The following VOPP1 variants were observed in gnomAD, a reference collection of about 807,000 sequenced individuals.
The protein encoded by VOPP1 is WW domain binding protein VOPP1.
VOPP1 carries 8 observed loss-of-function variants against 23.5 expected under a neutral mutation model. That is an observed-to-expected ratio of 0.34 (90% confidence interval 0.20 to 0.61). VOPP1 has a LOEUF of 0.61. VOPP1 is among the 20% of genes least tolerant of loss of function. The pLI, the probability that VOPP1 is intolerant of heterozygous loss-of-function variation, is 0.78. For missense variants in VOPP1, 174 were observed against 238.1 expected (o/e 0.73, Z 1.77); for synonymous variants, 83 against 97.3 (o/e 0.85, Z 0.86).
chr7:55,476,442 G>C (rs986408903), intron 4 of VOPP1, among the ~76,000 whole-genome samples: 2 of 70,158 alleles, frequency 2.9e-5, no homozygotes, highest in Non-Finnish European at 6.6e-5. Flanking sequence ...GGGGGTGGGC[G>C]GGGGGGCTGG....
chr7:55,475,084 G>A (rs1792129825), intron 4 of VOPP1, among the ~76,000 whole-genome samples: 1 of 152,240 alleles, frequency 6.6e-6, no homozygotes, highest in Non-Finnish European at 1.5e-5. Context: ...GAAGACTGTA[G>A]GAGGGGACGG....
chr7:55,494,168 T>C (rs1364693038), intron 3 of VOPP1, among the ~76,000 whole-genome samples: 1 of 152,196 alleles, frequency 6.6e-6, no homozygotes, highest in Non-Finnish European at 1.5e-5. Flanking sequence ...TAAGGCTTAA[T>C]GTGCTCGGCA....
chr7:55,567,118 T>A (rs1305218106), intron 1 of VOPP1, among the ~76,000 whole-genome samples: 1 of 152,224 alleles, frequency 6.6e-6, no homozygotes, highest in South Asian at 2.1e-4. Context: ...ATCAACTGCC[T>A]CTTCTTTTCC....
At chr7:55,516,258 C>G (rs867697588) in intron 2 of VOPP1, among the ~76,000 whole-genome samples, 31 of 152,294 alleles carry the variant, frequency 2.0e-4, no homozygotes, top group African/African-American at 6.5e-4. Context: ...CTGGAGGGAA[C>G]AGGAATGTGT....
At position 55,556,917 on chromosome 7, in the gene VOPP1, T is replaced by A. The variant is rs79596101; in HGVS notation, c.54+15354A>T. ...CCCTCTGTTAAGAAAATGTTAAATA[T>A]CCCCTCCCCAAAAAGAAACATCACC... On this transcript the variant is annotated intron_variant, in intron 1 of 4. Coordinates refer to ENST00000285279, the MANE Select transcript of VOPP1 (RefSeq NM_030796.5). 2.6e-5 allele frequency among the ~76,000 whole-genome samples: 4 copies of A among 151,956 alleles called. No homozygotes were observed. The East Asian group carries it at 7.7e-4, about 29-fold the overall frequency.
chr7:55,449,322 C>T (rs1791182644), intron 4 of VOPP1, among the ~76,000 whole-genome samples: 1 of 152,136 alleles, frequency 6.6e-6, no homozygotes, highest in African/African-American at 2.4e-5. Context: ...CCCAGGAGGC[C>T]TCCCATCCCA....
At chr7:55,456,479 CT>C (rs908695632) in intron 4 of VOPP1, among the ~76,000 whole-genome samples, 30 of 152,298 alleles carry the variant, frequency 2.0e-4, no homozygotes, top group African/African-American at 6.5e-4. Flanking sequence ...AATCATTCTA[CT>C]ATAAAGACTC....
At position 55,514,076 on chromosome 7, in the gene VOPP1, G is replaced by A. The variant is rs145047567; in HGVS notation, c.113+6996C>T. ...ACCCCAGCGTCTGACTGGGAGCGGC[G>A]CCCTTTCTCACATCATCATGTCAGT... On this transcript the variant is annotated intron_variant, in intron 2 of 4. Transcript: ENST00000285279. Among the ~76,000 whole-genome samples, 89 of 152,228 alleles carry A rather than the reference G, an allele frequency of 5.8e-4. No homozygotes were observed. In the East Asian group the frequency reaches 0.015, roughly 26 times the overall value.
At chr7:55,555,333 A>G (rs1193046360) in intron 1 of VOPP1, among the ~76,000 whole-genome samples, 1 of 152,182 alleles carries the variant, frequency 6.6e-6, no homozygotes, top group Admixed American at 6.5e-5. Context: ...CTGCATGACA[A>G]TCGCTCACTT....
Position 55,472,924 on chromosome 7 carries a change from G to A in VOPP1, c.450C>T (p.Ala150=). 1 of 1,551,806 alleles carries A rather than the reference G, an allele frequency of 6.4e-7. No individual in the cohort carries two copies. Among genetic ancestry groups the A allele is most frequent in the Non-Finnish European group, 8.7e-7 (1 of 1,154,986 alleles). Reference sequence around the variant, plus strand: ...TGCAGTAGGCTGGAGGGGGCGGGCAGGCCACACTCCCCTGGGGTGAGTTGG... The same window carrying A: ...TGCAGTAGGCTGGAGGGGGCGGGCAAGCCACACTCCCCTGGGGTGAGTTGG... ...VPPNSPQGSV[A]CPPPPAYCNT... is the part of the protein sequence containing the mutation. The change falls in exon 5 of 5, where the codon GCC becomes GCT. Residue 150 remains alanine, a synonymous_variant. Transcript: ENST00000285279.
intron 4 of VOPP1, among the ~76,000 whole-genome samples, chr7:55,479,326 C>T (rs550406078): frequency 2.7e-4 from 40 of 145,822 alleles, no homozygotes; most frequent in African/African-American, 1.0e-3. Flanking sequence ...CCACAACAGT[C>T]CCCAGAATGT....
At chr7:55,547,584 T>C (rs1053212482) in intron 1 of VOPP1, among the ~76,000 whole-genome samples, 3 of 152,180 alleles carry the variant, frequency 2.0e-5, no homozygotes, top group African/African-American at 7.2e-5. Context: ...ATGCCCATCA[T>C]GCAACCCTTT....
chr7:55,558,131 T>G (rs1406224770), intron 1 of VOPP1, among the ~76,000 whole-genome samples: 1 of 152,190 alleles, frequency 6.6e-6, no homozygotes, highest in Non-Finnish European at 1.5e-5. Flanking sequence ...CCTAGAGGGC[T>G]GCTGTGCCAC....
At chr7:55,500,131 CA>C (rs1794267401) in intron 2 of VOPP1, among the ~76,000 whole-genome samples, 1 of 152,116 alleles carries the variant, frequency 6.6e-6, no homozygotes, top group South Asian at 2.1e-4. Context: ...GTGTGGAAGG[CA>C]GAATGCAACC....
intron 1 of VOPP1, among the ~76,000 whole-genome samples, chr7:55,554,480 G>A (rs146032220): frequency 4.6e-5 from 7 of 152,262 alleles, no homozygotes; most frequent in Admixed American, 6.5e-5. Flanking sequence ...CCCAAGGACT[G>A]TACACGAGGA....
chr7:55,437,458 C>T (rs1345673684), intron 4 of VOPP1, among the ~76,000 whole-genome samples: 1 of 152,256 alleles, frequency 6.6e-6, no homozygotes, highest in African/African-American at 2.4e-5. Context: ...TGTCCTAAAC[C>T]TTCCATTGCT....
chr7:55,535,544 A>C (rs10237992), intron 1 of VOPP1, among the ~76,000 whole-genome samples: 1 of 152,180 alleles, frequency 6.6e-6, no homozygotes, highest in African/African-American at 2.4e-5. Context: ...ATTTCCATCC[A>C]TGCACCTCTA....
intron 4 of VOPP1, among the ~76,000 whole-genome samples, chr7:55,475,555 C>T (rs1459907229): frequency 6.6e-6 from 1 of 152,162 alleles, no homozygotes; most frequent in Non-Finnish European, 1.5e-5. Flanking sequence ...GCGACAGGCC[C>T]ACTGGTGCAG....
At chr7:55,550,628 C>T (rs543473621) in intron 1 of VOPP1, among the ~76,000 whole-genome samples, 4 of 152,230 alleles carry the variant, frequency 2.6e-5, no homozygotes, top group African/African-American at 9.6e-5. Context: ...AAATTAAATA[C>T]TCAATGTCAG....
Sources: allele counts gnomAD v4.1 joint callset (sites outside exome capture counted in the v4.1 genomes callset), GRCh38; gene constraint gnomAD v4.1.1; transcripts MANE v1.5; gene names NCBI Gene and HGNC (gene_info 2026-07-23, HGNC 2026-07-21).